The following AFF3 variants were observed in gnomAD, a reference collection of about 807,000 sequenced individuals.
The protein encoded by AFF3 is ALF transcription elongation factor 3.
A neutral mutation model predicts 129.7 loss-of-function variants in AFF3; 32 were observed. The ratio of observed to expected loss-of-function variants is 0.25; its 90% CI spans 0.19 to 0.33. The LOEUF is 0.33. Ranked by LOEUF, AFF3 falls within the 10% of genes least tolerant of loss-of-function variation. The pLI is 1.00. For synonymous variants in AFF3, 644 were observed against 635.4 expected, an observed-to-expected ratio of 1.01 and a Z score of -0.20; for missense variants, 1,373 against 1,592.0, an observed-to-expected ratio of 0.86 and a Z score of 2.34.
intron 7 of AFF3, among the ~76,000 whole-genome samples, chr2:99,858,266 C>G (rs1260787114): frequency 6.6e-6 from 1 of 151,790 alleles, no homozygotes; most frequent in African/African-American, 2.4e-5. Flanking sequence ...GCTGTTTTGG[C>G]AGGGCGTGGT....
rs143115188 is a variant in AFF3, at chr2:100,073,777, T to C, written c.53+30625A>G. On this transcript the variant is annotated intron_variant, in intron 4 of 24. Coordinates refer to ENST00000672756, the MANE Select transcript of AFF3 (RefSeq NM_001386135.1). ...AAGGGCTTTTCAGATGACCTCTTCA[T>C]AGGAATCCTGTTTATTCTTTGCCTG... is the stretch of plus-strand genomic sequence containing the variant. Among the ~76,000 whole-genome samples, 40 of 152,328 alleles carry C rather than the reference T, an allele frequency of 2.6e-4. No homozygotes were observed. The Middle Eastern group carries it at 0.017, about 65-fold the overall frequency.
rs188926834 is a variant in AFF3 at position 99,652,472 on chromosome 2, C to T, written c.1144-2806G>A. Among the ~76,000 whole-genome samples, 104 of 152,050 alleles carry T rather than the reference C, an allele frequency of 6.8e-4. 2 individuals are homozygous for T. In the East Asian group the frequency reaches 0.016, roughly 24 times the overall value. On this transcript the variant is annotated intron_variant, in intron 12 of 24. Coordinates refer to ENST00000672756, the MANE Select transcript of AFF3 (RefSeq NM_001386135.1). The stretch of plus-strand genomic sequence containing the variant: ...AAAGGGTGCCTGCAGAGAAACACTG[C>T]GGCAGAGTAGGAATGAAAGGAGAGC...
chr2:100,139,976 C>T (rs1282167302), intron 1 of AFF3, among the ~76,000 whole-genome samples: 2 of 152,190 alleles, frequency 1.3e-5, no homozygotes, highest in Non-Finnish European at 2.9e-5. Flanking sequence ...GCAAATGGGT[C>T]ATTTGAAAGA....
chr2:99,737,264 T>C (rs1291299515), intron 10 of AFF3, among the ~76,000 whole-genome samples: 1 of 152,154 alleles, frequency 6.6e-6, no homozygotes, highest in East Asian at 1.9e-4. Flanking sequence ...CAATATATTA[T>C]TACTGGTGCA....
intron 7 of AFF3, among the ~76,000 whole-genome samples, chr2:99,881,026 T>C (rs965638304): frequency 6.6e-6 from 1 of 152,148 alleles, no homozygotes; most frequent in Non-Finnish European, 1.5e-5. Flanking sequence ...CTATTTCTGA[T>C]AGAAACAAAT....
intron 1 of AFF3, among the ~76,000 whole-genome samples, chr2:100,134,024 C>T (rs1035463078): frequency 3.9e-5 from 6 of 152,202 alleles, no homozygotes; most frequent in Admixed American, 6.5e-5. Context: ...TACATGACTG[C>T]ATAGTATTTC....
rs968348997 is a variant in AFF3 at position 100,123,385 on chromosome 2, G to T, written c.-145+5839C>A. Among the ~76,000 whole-genome samples, 8 of 152,212 alleles carry T rather than the reference G, an allele frequency of 5.3e-5. No homozygotes were observed. In the East Asian group the frequency reaches 1.4e-3, roughly 26 times the overall value. ...TGCAGAGTCCTGGTGTGCTCCTGGT[G>T]ACATGACTGTCAAGGCATATGAAAG... On this transcript the variant is annotated intron_variant, in intron 2 of 24. Transcript: ENST00000672756.
chr2:99,784,117 A>G (rs1684607946), intron 8 of AFF3, among the ~76,000 whole-genome samples: 1 of 152,202 alleles, frequency 6.6e-6, no homozygotes, highest in Non-Finnish European at 1.5e-5. Flanking sequence ...TGGCTCTAGC[A>G]TAAGTGATTA....
intron 8 of AFF3, among the ~76,000 whole-genome samples, chr2:99,766,228 T>C (rs965340985): frequency 6.6e-6 from 1 of 152,252 alleles, no homozygotes; most frequent in Non-Finnish European, 1.5e-5. Flanking sequence ...ACTTCTGGTT[T>C]ACCAGAGGGA....
intron 13 of AFF3, among the ~76,000 whole-genome samples, chr2:99,628,502 C>T (rs1489595484): frequency 2.0e-5 from 3 of 152,042 alleles, no homozygotes; most frequent in African/African-American, 7.2e-5. Context: ...GTGTCATCTG[C>T]AAACAAAGAT....
At chr2:99,954,368 G>A (rs1332537931) in intron 7 of AFF3, among the ~76,000 whole-genome samples, 1 of 152,032 alleles carries the variant, frequency 6.6e-6, no homozygotes. Context: ...AATTTCTCAG[G>A]GATCTAGAAC....
At chr2:100,061,631 G>A (rs1687277324) in intron 4 of AFF3, among the ~76,000 whole-genome samples, 2 of 152,200 alleles carry the variant, frequency 1.3e-5, no homozygotes, top group Admixed American at 1.3e-4. Context: ...TTTCAAGTAA[G>A]TTTCCAAGCA....
chr2:99,727,906 C>T lies in AFF3; in HGVS notation c.1040-778G>A, dbSNP rs151175861. 2.8e-3 allele frequency among the ~76,000 whole-genome samples: 427 copies of T among 152,224 alleles called. 2 individuals carry two copies. The highest frequency in any genetic ancestry group is 9.9e-3 in the African/African-American group (411 of 41,554). On this transcript the variant is annotated intron_variant, in intron 10 of 24. Coordinates refer to ENST00000672756, the MANE Select transcript of AFF3 (RefSeq NM_001386135.1). ...TGAACACTGAGGTTGCACTGTAGGT[C>T]CCAAGATCCCCCTATTTTATACCCC...
At chr2:99,832,688 C>T (rs1053970559) in intron 8 of AFF3, among the ~76,000 whole-genome samples, 6 of 152,196 alleles carry the variant, frequency 3.9e-5, no homozygotes, top group Non-Finnish European at 8.8e-5. Flanking sequence ...AAATGCAAAA[C>T]GAAAACACAG....
intron 7 of AFF3, among the ~76,000 whole-genome samples, chr2:99,859,594 G>C (rs1170742746): frequency 6.6e-6 from 1 of 152,128 alleles, no homozygotes; most frequent in Non-Finnish European, 1.5e-5. Flanking sequence ...AAATGCATTT[G>C]TTTATTCCTA....
At chr2:100,092,957 C>T (rs1207460891) in intron 4 of AFF3, among the ~76,000 whole-genome samples, 1 of 151,804 alleles carries the variant, frequency 6.6e-6, no homozygotes, top group Non-Finnish European at 1.5e-5. Flanking sequence ...GTGGTCTCTT[C>T]ACTTCTGTGT....
chr2:99,728,303 G>A (rs1679525298), intron 10 of AFF3, among the ~76,000 whole-genome samples: 1 of 152,186 alleles, frequency 6.6e-6, no homozygotes, highest in Admixed American at 6.5e-5. Context: ...AGAGAAGGCT[G>A]TGAGTTGCAA....
chr2:100,034,740 A>AC (rs1190801883), intron 4 of AFF3, among the ~76,000 whole-genome samples: 6 of 152,222 alleles, frequency 3.9e-5, no homozygotes, highest in Admixed American at 1.3e-4. Flanking sequence ...AGAAAGGTCT[A>AC]CATGGAATAC....
At chr2:100,103,905 G>A (rs868662842) in intron 4 of AFF3, among the ~76,000 whole-genome samples, 1 of 150,592 alleles carries the variant, frequency 6.6e-6, no homozygotes, top group East Asian at 2.0e-4. Context: ...GTGGGTGGGA[G>A]AGACAGAAAG....
Sources: allele counts gnomAD v4.1 joint callset (sites outside exome capture counted in the v4.1 genomes callset), GRCh38; gene constraint gnomAD v4.1.1; transcripts MANE v1.5; gene names NCBI Gene and HGNC (gene_info 2026-07-23, HGNC 2026-07-21).